The following NBEA variants were observed in gnomAD, a reference collection of about 807,000 sequenced individuals.
The protein encoded by NBEA is lysosomal-trafficking regulator 2.
In NBEA, 44 loss-of-function variants were observed where a neutral mutation model predicts 343.4. The ratio of observed to expected loss-of-function variants is 0.13; its 90% CI spans 0.10 to 0.16. The LOEUF is 0.16. Ranked by LOEUF, NBEA falls within the 10% of genes least tolerant of loss-of-function variation. The pLI is 1.00. For missense variants in NBEA, 2,555 were observed against 3,631.3 expected, an observed-to-expected ratio of 0.70 and a Z score of 7.62; for synonymous variants, 1,175 against 1,238.7, an observed-to-expected ratio of 0.95 and a Z score of 1.08.
chr13:35,300,086 T>A (rs1363337293), intron 35 of NBEA, among the ~76,000 whole-genome samples: 1 of 152,208 alleles, frequency 6.6e-6, no homozygotes, highest in Admixed American at 6.5e-5. Context: ...GTTTTGTTTA[T>A]CTCTCCTTTC....
At chr13:35,662,463 T>C (rs1006287961) in intron 55 of NBEA, among the ~76,000 whole-genome samples, 3 of 152,244 alleles carry the variant, frequency 2.0e-5, no homozygotes, top group South Asian at 2.1e-4. Flanking sequence ...ATTGTTGGGG[T>C]GTGTGACATC....
chr13:35,188,483 T>A lies in NBEA; in HGVS notation c.4927+4412T>A, dbSNP rs774660328. Among the ~76,000 whole-genome samples, 8 of 152,144 alleles carry A rather than the reference T, an allele frequency of 5.3e-5. 1 individual carries two copies. The South Asian group carries it at 1.4e-3, about 28-fold the overall frequency. On this transcript the variant is annotated intron_variant, in intron 30 of 58. Coordinates refer to ENST00000379939, the MANE Select transcript of NBEA (RefSeq NM_001385012.1). The stretch of plus-strand genomic sequence containing the variant: ...TTAAGATTCCCTATATAAGTAAAAT[T>A]ATACCTATATTTGTCTTTTTATGTC...
intron 39 of NBEA, among the ~76,000 whole-genome samples, chr13:35,436,194 C>T: frequency 6.6e-6 from 1 of 152,102 alleles, no homozygotes; most frequent in Non-Finnish European, 1.5e-5. Flanking sequence ...AATATTCCAT[C>T]TGCCGTTAAA....
intron 31 of NBEA, among the ~76,000 whole-genome samples, chr13:35,206,933 A>G (rs547850251): frequency 1.3e-5 from 2 of 152,196 alleles, no homozygotes; most frequent in South Asian, 2.1e-4. Context: ...AATATAGGGA[A>G]TGAAGGCATA....
At chr13:35,610,374 C>T (rs796808059) in intron 48 of NBEA, among the ~76,000 whole-genome samples, 6 of 151,842 alleles carry the variant, frequency 4.0e-5, no homozygotes, top group Non-Finnish European at 8.8e-5. Context: ...GCCGAGATCG[C>T]GCCACTGCAC....
At chr13:35,142,214 T>G in intron 17 of NBEA, 55 bp from the exon 18 acceptor site, 1 of 1,091,166 alleles carries the variant, frequency 9.2e-7, no homozygotes, top group Non-Finnish European at 1.4e-6. Context: ...AAAAGTCATG[T>G]GATCGGAGAA....
chr13:35,136,741 T>C (rs2067752353), intron 17 of NBEA, among the ~76,000 whole-genome samples: 1 of 152,222 alleles, frequency 6.6e-6, no homozygotes, highest in South Asian at 2.1e-4. Context: ...GAGAATATTA[T>C]ATCCTGCCAG....
intron 34 of NBEA, chr13:35,251,226 T>C (rs968595333): frequency 7.0e-5 from 19 of 271,134 alleles, no homozygotes; most frequent in African/African-American, 3.4e-4. Flanking sequence ...CAGAAACCAA[T>C]GGCATTCCAC....
chr13:35,340,633 T>C (rs934069724), intron 36 of NBEA, among the ~76,000 whole-genome samples: 4 of 152,058 alleles, frequency 2.6e-5, no homozygotes, highest in Non-Finnish European at 4.4e-5. Flanking sequence ...ATGTATTTTA[T>C]TACAATTAAA....
At chr13:35,125,186 A>T (rs1318287430) in intron 17 of NBEA, among the ~76,000 whole-genome samples, 1 of 152,170 alleles carries the variant, frequency 6.6e-6, no homozygotes, top group Non-Finnish European at 1.5e-5. Flanking sequence ...TCTATCACAA[A>T]TGTTATCACA....
intron 1 of NBEA, among the ~76,000 whole-genome samples, chr13:35,013,008 C>A (rs545855055): frequency 6.6e-6 from 1 of 152,190 alleles, no homozygotes; most frequent in East Asian, 1.9e-4. Flanking sequence ...AGTAAGAATT[C>A]TTTTATCAAA....
chr13:35,412,300 C>A (rs17068344), intron 38 of NBEA, among the ~76,000 whole-genome samples: 1 of 152,018 alleles, frequency 6.6e-6, no homozygotes, highest in Non-Finnish European at 1.5e-5. Flanking sequence ...ACTAAAAGGG[C>A]GCTGACCTTT....
rs190204669 is a variant in NBEA, at chr13:35,392,429, C to T, written c.6180-39840C>T. 2.6e-3 allele frequency among the ~76,000 whole-genome samples: 393 copies of T among 150,338 alleles called. 3 individuals carry two copies. Among genetic ancestry groups the T allele is most frequent in the African/African-American group, 9.2e-3 (379 of 40,976 alleles). Reference sequence around the variant, plus strand: ...TTTGTAATATGCCTATAGGAAACATCTGGTGGTAAAACCTAACTTGAGCCA... The same window carrying T: ...TTTGTAATATGCCTATAGGAAACATTTGGTGGTAAAACCTAACTTGAGCCA... On this transcript the variant is annotated intron_variant, in intron 38 of 58. Coordinates refer to ENST00000379939, the MANE Select transcript of NBEA (RefSeq NM_001385012.1).
intron 48 of NBEA, among the ~76,000 whole-genome samples, chr13:35,613,031 A>G (rs2082591157): frequency 6.6e-6 from 1 of 151,108 alleles, no homozygotes; most frequent in African/African-American, 2.4e-5. Context: ...ATCACCTCAA[A>G]TATTTATCAT....
chr13:35,281,591 A>T (rs1474504915), intron 34 of NBEA, among the ~76,000 whole-genome samples: 1 of 152,064 alleles, frequency 6.6e-6, no homozygotes, highest in African/African-American at 2.4e-5. Context: ...TTTACCAATT[A>T]TGTTTTTTCT....
At chr13:35,054,431 C>A (rs2063173022) in intron 6 of NBEA, among the ~76,000 whole-genome samples, 1 of 151,846 alleles carries the variant, frequency 6.6e-6, no homozygotes, top group African/African-American at 2.4e-5. Flanking sequence ...TTAATCAGGG[C>A]TAACATATAT....
intron 34 of NBEA, among the ~76,000 whole-genome samples, chr13:35,236,629 T>G (rs2075250279): frequency 6.6e-6 from 1 of 151,274 alleles, no homozygotes; most frequent in Admixed American, 6.6e-5. Flanking sequence ...TTTTTTTTTT[T>G]GTATTTTTAG....
At chr13:35,128,657 A>G (rs185024989) in intron 17 of NBEA, among the ~76,000 whole-genome samples, 5 of 152,184 alleles carry the variant, frequency 3.3e-5, no homozygotes, top group Non-Finnish European at 7.4e-5. Flanking sequence ...ATTCACAGCC[A>G]TGAGATTTGA....
At chr13:35,163,539 G>A (rs2069738184) in intron 23 of NBEA, among the ~76,000 whole-genome samples, 1 of 151,184 alleles carries the variant, frequency 6.6e-6, no homozygotes, top group Admixed American at 6.6e-5. Flanking sequence ...AATCTCCTGG[G>A]CCCAGGGAGG....
Sources: allele counts gnomAD v4.1 joint callset (sites outside exome capture counted in the v4.1 genomes callset), GRCh38; gene constraint gnomAD v4.1.1; transcripts MANE v1.5; gene names NCBI Gene and HGNC (gene_info 2026-07-23, HGNC 2026-07-21).